The following ATP10B variants were observed in gnomAD, a reference collection of about 807,000 sequenced individuals.
ATP10B encodes the protein ATPase phospholipid transporting 10B (putative).
In ATP10B, 122 loss-of-function variants were observed where a neutral mutation model predicts 141.2. The ratio of observed to expected loss-of-function variants is 0.86; its 90% CI spans 0.75 to 1.00. The LOEUF (loss-of-function observed/expected upper bound fraction) is 1.00. Ranked by LOEUF, ATP10B falls within the 50% of genes least tolerant of loss-of-function variation. The pLI, the probability that ATP10B is intolerant of heterozygous loss-of-function variation, is 0.00. For synonymous variants in ATP10B, 685 were observed against 692.0 expected (o/e 0.99, Z 0.16); for missense variants, 1,876 against 1,825.3 (o/e 1.03, Z -0.51).
intron 16 of ATP10B, among the ~76,000 whole-genome samples, chr5:160,616,940 T>C (rs774738867): frequency 2.6e-5 from 4 of 152,204 alleles, no homozygotes; most frequent in African/African-American, 4.8e-5. Context: ...GACAACTGCA[T>C]GAGGGAGGGC....
intron 23 of ATP10B, among the ~76,000 whole-genome samples, chr5:160,590,752 A>G (rs527625165): frequency 6.6e-6 from 1 of 152,356 alleles, no homozygotes; most frequent in South Asian, 2.1e-4. Context: ...GGTAGAGACT[A>G]AGGCAAACTG....
At chr5:160,643,683 T>C (rs1561687653) in intron 9 of ATP10B, among the ~76,000 whole-genome samples, 1 of 152,252 alleles carries the variant, frequency 6.6e-6, no homozygotes, top group Admixed American at 6.5e-5. Flanking sequence ...CTCTTTGCTA[T>C]AGGCAGTGCT....
At chr5:160,618,935 AAATGT>A (rs1758173234) in intron 15 of ATP10B, among the ~76,000 whole-genome samples, 1 of 152,214 alleles carries the variant, frequency 6.6e-6, no homozygotes, top group South Asian at 2.1e-4. Flanking sequence ...GCAAAATTAA[AAATGT>A]AATTCTTAAC....
At chr5:160,874,281 C>A in the ATP10B span, among the ~76,000 whole-genome samples, 1 of 151,870 alleles carries the variant, frequency 6.6e-6, no homozygotes, top group South Asian at 2.1e-4. Context: ...TACACTGACA[C>A]CTCACACGGC....
intron 18 of ATP10B, among the ~76,000 whole-genome samples, chr5:160,610,895 C>T (rs1757685648): frequency 6.6e-6 from 1 of 152,118 alleles, no homozygotes; most frequent in South Asian, 2.1e-4. Flanking sequence ...CTAGGTCGAT[C>T]CCATAACTTG....
chr5:160,870,529 A>G, the ATP10B span, among the ~76,000 whole-genome samples: 1 of 152,126 alleles, frequency 6.6e-6, no homozygotes, highest in Non-Finnish European at 1.5e-5. Flanking sequence ...AAAAACAAAA[A>G]GAGAAAAAGA....
intron 2 of ATP10B, among the ~76,000 whole-genome samples, chr5:160,729,636 G>A (rs1339074681): frequency 6.6e-6 from 1 of 152,080 alleles, no homozygotes; most frequent in Admixed American, 6.6e-5. Context: ...GGCCTACAAG[G>A]AGGTTTTATT....
At chr5:160,742,277 G>A (rs1251844291) in intron 2 of ATP10B, among the ~76,000 whole-genome samples, 1 of 152,100 alleles carries the variant, frequency 6.6e-6, no homozygotes, top group East Asian at 1.9e-4. Context: ...TGTAGACATA[G>A]TGCTATATTG....
At chr5:160,802,698 T>C (rs1176017134) in intron 1 of ATP10B, among the ~76,000 whole-genome samples, 3 of 152,190 alleles carry the variant, frequency 2.0e-5, no homozygotes, top group African/African-American at 7.2e-5. Context: ...TCTTCCAGCC[T>C]AAAGTTAGTT....
chr5:160,787,597 G>A (rs375864741), intron 1 of ATP10B, among the ~76,000 whole-genome samples: 24 of 152,164 alleles, frequency 1.6e-4, no homozygotes, highest in African/African-American at 5.3e-4. Flanking sequence ...TAGAAAATAG[G>A]AATTATTTAT....
chr5:160,671,796 T>TG (rs112463930), intron 6 of ATP10B, among the ~76,000 whole-genome samples: 2,255 of 151,968 alleles, frequency 0.015, 44 homozygotes, highest in African/African-American at 0.05. Context: ...GTGAGGTAAT[T>TG]GGGGGTCAAA....
chr5:160,602,720 A>T lies in ATP10B; in HGVS notation c.3238-18T>A. The stretch of plus-strand genomic sequence containing the variant: ...ATGACAGCCTGAGAGGTGAGAACAG[A>T]CACATCAGCTTCCATCCATGGCTGC... On this transcript the variant is annotated intron_variant, in intron 20 of 25. Transcript: ENST00000327245. The T allele has an allele frequency of 3.1e-6, 5 of 1,613,420 alleles. No homozygotes were observed. The highest frequency in any genetic ancestry group is 1.3e-5 in the African/African-American group (1 of 75,036).
chr5:160,759,572 C>G (rs1456392889), intron 2 of ATP10B, among the ~76,000 whole-genome samples: 1 of 152,098 alleles, frequency 6.6e-6, no homozygotes, highest in African/African-American at 2.4e-5. Flanking sequence ...ATAGCTGAGG[C>G]CTTTCTAAAT....
intron 10 of ATP10B, among the ~76,000 whole-genome samples, chr5:160,636,517 T>C (rs564921309): frequency 3.3e-4 from 51 of 152,330 alleles, no homozygotes; most frequent in African/African-American, 1.2e-3. Flanking sequence ...TACATTTCAA[T>C]CCTTTGATAG....
At chr5:160,642,993 A>G (rs528100656) in intron 9 of ATP10B, among the ~76,000 whole-genome samples, 45 of 151,746 alleles carry the variant, frequency 3.0e-4, no homozygotes, top group African/African-American at 1.0e-3. Flanking sequence ...AATCTATGTG[A>G]TTATGATTAC....
chr5:160,614,972 TA>T (rs1174031198), intron 17 of ATP10B, among the ~76,000 whole-genome samples: 2 of 152,194 alleles, frequency 1.3e-5, no homozygotes, highest in Non-Finnish European at 2.9e-5. Context: ...TCCTGTTGAA[TA>T]AAGCTCCCCT....
At chr5:160,756,147 T>A (rs1255878636) in intron 2 of ATP10B, among the ~76,000 whole-genome samples, 1 of 28,002 alleles carries the variant, frequency 3.6e-5, no homozygotes, top group African/African-American at 1.8e-4. Flanking sequence ...GCATTATGTA[T>A]TTTTTTTTTA....
upstream of ATP10B, among the ~76,000 whole-genome samples, chr5:160,854,016 T>A (rs1391208620): frequency 6.6e-6 from 1 of 152,140 alleles, no homozygotes; most frequent in African/African-American, 2.4e-5. Flanking sequence ...ACACAGTGTG[T>A]CATGTCTAGC....
chr5:160,682,026 G>A (rs1298803369), intron 6 of ATP10B, among the ~76,000 whole-genome samples: 1 of 152,144 alleles, frequency 6.6e-6, no homozygotes, highest in East Asian at 1.9e-4. Context: ...AACTGTCATT[G>A]GCCATTTATC....
Sources: allele counts gnomAD v4.1 joint callset (sites outside exome capture counted in the v4.1 genomes callset), GRCh38; gene constraint gnomAD v4.1.1; transcripts MANE v1.5; gene names NCBI Gene and HGNC (gene_info 2026-07-23, HGNC 2026-07-21).